DLGAP2: variants seen among roughly 807,000 people sequenced by gnomAD.
The protein encoded by DLGAP2 is DLG associated protein 2.
A neutral mutation model predicts 100.3 loss-of-function variants in DLGAP2; 26 were observed. That is an observed-to-expected ratio of 0.26 (90% CI 0.19 to 0.36). The LOEUF (loss-of-function observed/expected upper bound fraction) is 0.36, where lower values mean the gene tolerates loss of function less well. Among genes scored for constraint, DLGAP2 ranks in the 10% least tolerant of loss-of-function variants. DLGAP2 has a pLI of 1.00. For synonymous variants in DLGAP2, 886 were observed against 630.1 expected, an observed-to-expected ratio of 1.41 and a Z score of -6.08; for missense variants, 1,858 against 1,453.2, an observed-to-expected ratio of 1.28 and a Z score of -4.53.
At chr8:1,640,245 T>C (rs182481425) in intron 8 of DLGAP2, among the ~76,000 whole-genome samples, 19 of 152,280 alleles carry the variant, frequency 1.2e-4, no homozygotes, top group Non-Finnish European at 2.5e-4. Context: ...CTCGGGCTGA[T>C]GGACGCTGTG....
At chr8:1,428,415 TGA>T (rs924744043) in intron 3 of DLGAP2, among the ~76,000 whole-genome samples, 6 of 150,492 alleles carry the variant, frequency 4.0e-5, no homozygotes, top group East Asian at 1.9e-4. Context: ...TCTCTTTCCT[TGA>T]GAGAGAGAGA....
chr8:1,308,114 C>T (rs1184170330), intron 3 of DLGAP2, among the ~76,000 whole-genome samples: 1 of 152,222 alleles, frequency 6.6e-6, no homozygotes, highest in African/African-American at 2.4e-5. Flanking sequence ...GGAAGACCTG[C>T]AGCTTTCACC....
chr8:1,214,910 T>G (rs11996586), intron 2 of DLGAP2, among the ~76,000 whole-genome samples: 15,139 of 152,266 alleles, frequency 0.099, 1,558 homozygotes, highest in African/African-American at 0.27. Flanking sequence ...ATTGGGGCAG[T>G]TGCTTCCCTC....
rs112113244 is a variant in DLGAP2, at chr8:876,604, T to C, written c.19-31308T>C. ...CTTTCAGTATTTGTACTGTGACTTA[T>C]CTGTTTGTAACTCTCTTTGCTTTTA... On this transcript the variant is annotated intron_variant, in intron 1 of 14. Coordinates refer to ENST00000637795, the MANE Select transcript of DLGAP2 (RefSeq NM_001346810.2). 3.1e-3 allele frequency among the ~76,000 whole-genome samples: 469 copies of C among 152,350 alleles called. 3 individuals carry two copies. The highest frequency in any genetic ancestry group is 0.011 in the African/African-American group (447 of 41,582).
chr8:1,469,419 G>A (rs1798717773), intron 3 of DLGAP2, among the ~76,000 whole-genome samples: 1 of 152,210 alleles, frequency 6.6e-6, no homozygotes, highest in African/African-American at 2.4e-5. Flanking sequence ...GACCCTCCAT[G>A]TGGCCACCAA....
intron 8 of DLGAP2, among the ~76,000 whole-genome samples, chr8:1,636,771 T>C (rs1015481340): frequency 3.3e-5 from 5 of 152,248 alleles, no homozygotes; most frequent in African/African-American, 4.8e-5. Flanking sequence ...GTAACTGATA[T>C]GCAAGTTTGC....
chr8:883,683 G>C (rs374829725), intron 1 of DLGAP2, among the ~76,000 whole-genome samples: 11 of 151,748 alleles, frequency 7.2e-5, no homozygotes, highest in Admixed American at 6.6e-4. Context: ...GTGCCGCGGC[G>C]GTTCGTTACG....
At chr8:1,364,156 C>T (rs1395728653) in intron 3 of DLGAP2, among the ~76,000 whole-genome samples, 1 of 152,216 alleles carries the variant, frequency 6.6e-6, no homozygotes. Context: ...TGCCTCCTCC[C>T]ACTGGATGAC....
intron 1 of DLGAP2, among the ~76,000 whole-genome samples, chr8:903,468 C>T (rs1040772901): frequency 6.6e-6 from 1 of 152,132 alleles, no homozygotes; most frequent in Non-Finnish European, 1.5e-5. Context: ...ATTTTTGTGG[C>T]TATGGCTTGT....
intron 2 of DLGAP2, among the ~76,000 whole-genome samples, chr8:1,180,772 T>C (rs1248447585): frequency 6.6e-6 from 1 of 151,522 alleles, no homozygotes; most frequent in African/African-American, 2.4e-5. Flanking sequence ...GTACAGTTAC[T>C]GTCGAGTGTG....
Position 1,683,842 on chromosome 8 carries a change from A to ATATATATATG in DLGAP2, c.2704+5222_2704+5223insGTATATATAT, listed in dbSNP as rs1362382048. On this transcript the variant is annotated intron_variant, in intron 12 of 14. Transcript: ENST00000637795. ...TCCTTGTCTTTGCTCCACTATATAT[A>ATATATATATG]TATATATATATATATGTGTGTGTGT... 1.8e-4 allele frequency among the ~76,000 whole-genome samples: 12 copies of ATATATATATG among 65,446 alleles called. 1 individual carries two copies. The highest frequency in any genetic ancestry group is 1.1e-3 in the African/African-American group (11 of 9,656). 42.9% of individuals were successfully genotyped at this position (65,446 alleles called of 152,430 possible). A position where few individuals can be genotyped will look rare whatever the true frequency, so the allele number is the denominator to read the frequency against.
intron 6 of DLGAP2, among the ~76,000 whole-genome samples, chr8:1,607,141 A>G (rs1796827355): frequency 1.3e-5 from 2 of 152,238 alleles, no homozygotes; most frequent in African/African-American, 4.8e-5. Flanking sequence ...ATTAAATAAC[A>G]TAAATTAGTT....
rs113518258 is a variant in DLGAP2 at position 898,523 on chromosome 8, C to T, written c.19-9389C>T. On this transcript the variant is annotated intron_variant, in intron 1 of 14. Coordinates refer to ENST00000637795, the MANE Select transcript of DLGAP2 (RefSeq NM_001346810.2). ...TCCCTCTCATCCATTTCTCTAGTCA[C>T]GGAGACATGATTGGGGGTGCTGTGT... is the stretch of plus-strand genomic sequence containing the variant. Among the ~76,000 whole-genome samples the T allele has an allele frequency of 2.0e-4, 30 of 152,258 alleles. No homozygotes were observed. In the East Asian group the frequency reaches 2.7e-3, roughly 14 times the overall value.
Position 1,701,528 on chromosome 8 carries a change from C to A in DLGAP2, c.*122C>A. Reference sequence around the variant, plus strand: ...GAACACGTCCTCGCTCCCGCGCTCCCCGCGCCCCGGACACAGCGGGACGCG... The same window carrying A: ...GAACACGTCCTCGCTCCCGCGCTCCACGCGCCCCGGACACAGCGGGACGCG... On this transcript the variant is annotated 3_prime_UTR_variant, in exon 15 of 15. Coordinates refer to ENST00000637795, the MANE Select transcript of DLGAP2 (RefSeq NM_001346810.2). 1 of 1,113,690 alleles carries A rather than the reference C, an allele frequency of 9.0e-7. No homozygotes were observed. The highest frequency in any genetic ancestry group is 1.2e-6 in the Non-Finnish European group (1 of 805,138). 69.0% of individuals were successfully genotyped at this position (1,113,690 alleles called of 1,614,324 possible).
chr8:1,313,506 C>A lies in DLGAP2; in HGVS notation c.106+54623C>A, dbSNP rs868122365. 5.9e-5 allele frequency among the ~76,000 whole-genome samples: 9 copies of A among 152,146 alleles called. 1 individual carries two copies. In the South Asian group the frequency reaches 1.9e-3, roughly 32 times the overall value. ...TGGTAAAGTCCGGAATTTTGATAAA[C>A]CTTTGAAGAAAAATCAAGAATGGAC... On this transcript the variant is annotated intron_variant, in intron 3 of 14. Coordinates refer to ENST00000637795, the MANE Select transcript of DLGAP2 (RefSeq NM_001346810.2).
chr8:922,114 A>G (rs550983430), intron 2 of DLGAP2, among the ~76,000 whole-genome samples: 1 of 152,328 alleles, frequency 6.6e-6, no homozygotes, highest in African/African-American at 2.4e-5. Flanking sequence ...CTTGCAGCAA[A>G]TGACGATCTG....
At chr8:1,287,158 G>GTGCGCA (rs71190715) in intron 3 of DLGAP2, among the ~76,000 whole-genome samples, 3 of 75,046 alleles carry the variant, frequency 4.0e-5, no homozygotes, top group African/African-American at 4.5e-5. Context: ...GTGTGTGTGT[G>GTGCGCA]CGCGCGCGCG....
intron 2 of DLGAP2, among the ~76,000 whole-genome samples, chr8:1,102,499 G>T (rs761389693): frequency 6.6e-5 from 10 of 151,856 alleles, no homozygotes; most frequent in African/African-American, 1.7e-4. Context: ...CACGCTATTC[G>T]TGGGATTTGA....
At chr8:915,857 C>T (rs1157391721) in intron 2 of DLGAP2, among the ~76,000 whole-genome samples, 2 of 150,132 alleles carry the variant, frequency 1.3e-5, no homozygotes, top group African/African-American at 2.5e-5. Flanking sequence ...TCCATCAGTT[C>T]ACCCGTCCGT....
Sources: allele counts gnomAD v4.1 joint callset (sites outside exome capture counted in the v4.1 genomes callset), GRCh38; gene constraint gnomAD v4.1.1; transcripts MANE v1.5; gene names NCBI Gene and HGNC (gene_info 2026-07-23, HGNC 2026-07-21).